Variants in LRRTM4 observed in about 807,000 individuals in gnomAD.
LRRTM4 encodes the protein leucine-rich repeat transmembrane neuronal protein 4.
A neutral mutation model predicts 47.6 loss-of-function variants in LRRTM4; 25 were observed. That is an observed-to-expected ratio of 0.53 (90% confidence interval 0.38 to 0.73). The LOEUF is 0.73. Ranked by LOEUF, LRRTM4 falls within the 30% of genes least tolerant of loss-of-function variation. The pLI is 0.00. For synonymous variants in LRRTM4, 311 were observed against 269.5 expected, an observed-to-expected ratio of 1.15 and a Z score of -1.51; for missense variants, 638 against 713.4, an observed-to-expected ratio of 0.89 and a Z score of 1.20.
intron 3 of LRRTM4, among the ~76,000 whole-genome samples, chr2:76,779,099 A>C (rs1422490488): frequency 6.7e-6 from 1 of 148,788 alleles, no homozygotes; most frequent in Admixed American, 6.7e-5. Flanking sequence ...CCTGAGTTCT[A>C]GTTTGATTGC....
At chr2:77,078,348 GA>G (rs915496249) in intron 3 of LRRTM4, among the ~76,000 whole-genome samples, 3 of 148,500 alleles carry the variant, frequency 2.0e-5, no homozygotes, top group African/African-American at 7.6e-5. Context: ...TAATTTTATT[GA>G]AAAAAATATG....
chr2:77,337,201 CT>C (rs1671198815), intron 3 of LRRTM4, among the ~76,000 whole-genome samples: 2 of 152,074 alleles, frequency 1.3e-5, no homozygotes, highest in Non-Finnish European at 2.9e-5. Context: ...TTACAAAACA[CT>C]TCTGAAGGAA....
At chr2:77,041,607 G>C (rs1244588353) in intron 3 of LRRTM4, among the ~76,000 whole-genome samples, 2 of 151,352 alleles carry the variant, frequency 1.3e-5, no homozygotes, top group African/African-American at 2.4e-5. Flanking sequence ...ATTCTAGCTA[G>C]AGTGAGATGC....
intron 3 of LRRTM4, among the ~76,000 whole-genome samples, chr2:77,340,051 T>G (rs1295919483): frequency 1.3e-5 from 2 of 151,984 alleles, no homozygotes; most frequent in Non-Finnish European, 2.9e-5. Context: ...AAACGTGATG[T>G]ACATTATACT....
At chr2:77,306,029 C>A (rs1223540964) in intron 3 of LRRTM4, among the ~76,000 whole-genome samples, 1 of 152,064 alleles carries the variant, frequency 6.6e-6, no homozygotes, top group Non-Finnish European at 1.5e-5. Flanking sequence ...ATGTTTACAT[C>A]TTCTTAATGT....
At chr2:77,424,962 T>C (rs546298925) in intron 3 of LRRTM4, among the ~76,000 whole-genome samples, 46 of 152,268 alleles carry the variant, frequency 3.0e-4, no homozygotes, top group African/African-American at 1.1e-3. Context: ...ATGCTTGATG[T>C]TTTAAGTGGA....
intron 3 of LRRTM4, among the ~76,000 whole-genome samples, chr2:77,480,816 GTGTGTGGAGAGAGAGAGAGAGAGA>G (rs1189612974): frequency 8.0e-6 from 1 of 124,472 alleles, no homozygotes; most frequent in African/African-American, 3.0e-5. Flanking sequence ...GTGTGTGTGT[GTGTGTGGAGAGAGAGAGAGAGAGA>G]GAGAGAGAGA....
chr2:77,015,056 A>C (rs574979195), intron 3 of LRRTM4, among the ~76,000 whole-genome samples: 3 of 152,244 alleles, frequency 2.0e-5, no homozygotes, highest in Non-Finnish European at 4.4e-5. Flanking sequence ...AGTAGCCTGG[A>C]TAATCAGGAT....
chr2:77,246,172 C>T (rs1313468888), intron 3 of LRRTM4, among the ~76,000 whole-genome samples: 1 of 152,126 alleles, frequency 6.6e-6, no homozygotes, highest in Non-Finnish European at 1.5e-5. Flanking sequence ...TCTCTAGGTT[C>T]AGTGGCTGAT....
intron 3 of LRRTM4, among the ~76,000 whole-genome samples, chr2:77,306,898 T>TATATATATATATATATATATATATATA (rs1491493424): frequency 1.1e-4 from 9 of 81,428 alleles, no homozygotes; most frequent in African/African-American, 5.4e-4. Flanking sequence ...CTTTTCCATA[T>TATATATATATATATATATATATATATA]TTTTTTTTTT....
At chr2:77,326,674 C>G (rs1289727343) in intron 3 of LRRTM4, among the ~76,000 whole-genome samples, 2 of 152,142 alleles carry the variant, frequency 1.3e-5, no homozygotes, top group Non-Finnish European at 2.9e-5. Flanking sequence ...AGGATTACAG[C>G]TATGAAGGAC....
At chr2:76,989,314 A>C (rs1676920091) in intron 3 of LRRTM4, among the ~76,000 whole-genome samples, 1 of 151,816 alleles carries the variant, frequency 6.6e-6, no homozygotes, top group African/African-American at 2.4e-5. Context: ...TTTTCCACAA[A>C]AACATGCATT....
chr2:77,031,531 A>C (rs934151826), intron 3 of LRRTM4, among the ~76,000 whole-genome samples: 1 of 152,158 alleles, frequency 6.6e-6, no homozygotes, highest in African/African-American at 2.4e-5. Context: ...CAATTATCAA[A>C]GACTGTAGAT....
chr2:77,327,878 A>G (rs1277278679), intron 3 of LRRTM4, among the ~76,000 whole-genome samples: 3 of 152,150 alleles, frequency 2.0e-5, no homozygotes, highest in Non-Finnish European at 2.9e-5. Context: ...AAAGAGAGGA[A>G]CTGAGAAAGA....
At chr2:77,313,511 T>A (rs539705533) in intron 3 of LRRTM4, among the ~76,000 whole-genome samples, 8 of 121,274 alleles carry the variant, frequency 6.6e-5, no homozygotes, top group African/African-American at 2.5e-4. Context: ...GTTGTGATGT[T>A]CCTCCCTACG....
At chr2:77,024,032 G>A (rs554810491) in intron 3 of LRRTM4, among the ~76,000 whole-genome samples, 17 of 152,242 alleles carry the variant, frequency 1.1e-4, no homozygotes, top group South Asian at 2.1e-4. Context: ...GCGCAAAAGT[G>A]CTTTTTACAT....
chr2:77,412,677 C>T (rs961628181), intron 3 of LRRTM4, among the ~76,000 whole-genome samples: 2 of 152,054 alleles, frequency 1.3e-5, no homozygotes, highest in South Asian at 4.1e-4. Flanking sequence ...AAAGTGTGTA[C>T]AAAACTAATC....
chr2:77,175,530 C>T (rs1345468447), intron 3 of LRRTM4, among the ~76,000 whole-genome samples: 1 of 152,056 alleles, frequency 6.6e-6, no homozygotes, highest in Non-Finnish European at 1.5e-5. Context: ...AAAGAACCTG[C>T]TCTCCATTAT....
intron 3 of LRRTM4, among the ~76,000 whole-genome samples, chr2:76,878,005 G>T (rs947005068): frequency 2.0e-5 from 3 of 152,070 alleles, no homozygotes; most frequent in Non-Finnish European, 4.4e-5. Context: ...TTGAAGATTG[G>T]TGGTAACTCT....
Sources: allele counts gnomAD v4.1 joint callset (sites outside exome capture counted in the v4.1 genomes callset), GRCh38; gene constraint gnomAD v4.1.1; transcripts MANE v1.5; gene names NCBI Gene and HGNC (gene_info 2026-07-23, HGNC 2026-07-21).